Variants in MCFD2 observed in about 807,000 individuals in gnomAD.
MCFD2 encodes the protein multiple coagulation factor deficiency protein 2.
A neutral mutation model predicts 12.8 loss-of-function variants in MCFD2; 11 were observed. That is an observed-to-expected ratio of 0.86 (90% CI 0.54 to 1.42). The LOEUF (loss-of-function observed/expected upper bound fraction) is 1.42, where lower values mean the gene tolerates loss of function less well. Among genes scored for constraint, MCFD2 ranks in the 40% most tolerant of loss-of-function variants. The probability of loss-of-function intolerance (pLI) is 0.00; values close to 1 mark genes in which losing one functional copy is unlikely to be tolerated. For synonymous variants in MCFD2, 70 were observed against 68.1 expected, an observed-to-expected ratio of 1.03 and a Z score of -0.14; for missense variants, 191 against 178.6, an observed-to-expected ratio of 1.07 and a Z score of -0.40.
intron 1 of MCFD2, among the ~76,000 whole-genome samples, chr2:46,931,361 C>A (rs1188693657): frequency 6.6e-6 from 1 of 152,260 alleles, no homozygotes; most frequent in Non-Finnish European, 1.5e-5. Context: ...GCTGGGCTTA[C>A]AGCCATAAGC....
At position 46,907,953 on chromosome 2, in the gene MCFD2, G is replaced by C; in HGVS notation, c.166C>G (p.Leu56Val). 6.2e-7 allele frequency: 1 copy of C among 1,614,156 alleles called. No homozygotes were observed. The highest frequency in any genetic ancestry group is 1.3e-5 in the African/African-American group (1 of 75,018). ...TCTGGTTTGTTGATGACACCTTCTA[G>C]ATGCTCCATGATATGCCTAAAAATC... ...VHDQEHIMEHLEGVINKPEAE... is the reference protein window; with the variant it reads ...VHDQEHIMEHVEGVINKPEAE... The change falls in exon 3 of 4, where the codon CTA becomes GTA. Residue 56 changes from leucine to valine, a missense_variant. Transcript: ENST00000319466. The surrounding 1 kb of genome is among the most constrained non-coding windows in gnomAD (Gnocchi z 4.1).
At position 46,941,720 on chromosome 2, in the gene MCFD2, A is replaced by T. The variant is rs957596183; in HGVS notation, c.-156T>A. On this transcript the variant is annotated 5_prime_UTR_variant, in exon 1 of 3. Transcript: ENST00000409147. This position sits in a 1 kb window ranked among gnomAD's most constrained non-coding sequence, Gnocchi z 4.2. ...CCGAGCGCAGCGTTCACCTTTCCGGACACCGGTGAGTAAGGGAAGAGGCTG... is the reference window on the plus strand; with the variant it reads ...CCGAGCGCAGCGTTCACCTTTCCGGTCACCGGTGAGTAAGGGAAGAGGCTG... 1.9e-6 allele frequency: 3 copies of T among 1,549,870 alleles called. No homozygotes were observed. In the African/African-American group the frequency reaches 4.1e-5, roughly 21 times the overall value.
intron 1 of MCFD2, among the ~76,000 whole-genome samples, chr2:46,923,587 A>G (rs1669223028): frequency 1.3e-5 from 2 of 152,174 alleles, no homozygotes; most frequent in Admixed American, 1.3e-4. Context: ...CCCTTGTTGC[A>G]GTCTCCATTA....
At chr2:46,912,273 A>G (rs1668519086) in intron 1 of MCFD2, among the ~76,000 whole-genome samples, 2 of 152,258 alleles carry the variant, frequency 1.3e-5, no homozygotes, top group African/African-American at 4.8e-5. Flanking sequence ...CGGGAGGCAG[A>G]GATTGCAGTG....
intron 1 of MCFD2, among the ~76,000 whole-genome samples, chr2:46,927,886 T>TG (rs1447639096): frequency 2.1e-5 from 2 of 95,100 alleles, no homozygotes; most frequent in Middle Eastern, 4.7e-3. Context: ...TTTTTGGTGT[T>TG]TTTTTTTTTT....
chr2:46,903,722 T>C lies in MCFD2; in HGVS notation c.*1741A>G, dbSNP rs1428060927. On this transcript the variant is annotated 3_prime_UTR_variant, in exon 4 of 4. Coordinates refer to ENST00000319466, the MANE Select transcript of MCFD2 (RefSeq NM_139279.6). ...GATTTAGGTTAACTAGCGGAAGAAA[T>C]TTCTAAGCAGCAAAGTGTTCAACAG... The C allele has an allele frequency of 3.9e-5, 6 of 152,258 alleles. No homozygotes were observed. In the South Asian group the frequency reaches 8.3e-4, roughly 21 times the overall value. 9.4% of individuals were successfully genotyped at this position (152,258 alleles called of 1,614,324 possible).
chr2:46,934,779 C>T (rs1309559017), intron 1 of MCFD2, among the ~76,000 whole-genome samples: 1 of 132,460 alleles, frequency 7.5e-6, no homozygotes, highest in African/African-American at 2.8e-5. Flanking sequence ...GGTATGAAGA[C>T]TACTGCTCTT....
At chr2:46,933,354 T>C (rs1007374036) in intron 1 of MCFD2, among the ~76,000 whole-genome samples, 13 of 152,204 alleles carry the variant, frequency 8.5e-5, no homozygotes, top group African/African-American at 2.9e-4. Context: ...GGGAAAATCT[T>C]CAACATTCTG....
At position 46,941,455 on chromosome 2, in the gene MCFD2, G is replaced by T; in HGVS notation, c.-8+117C>A. On this transcript the variant is annotated intron_variant, in intron 1 of 2. Coordinates refer to the MCFD2 transcript ENST00000409147. The surrounding 1 kb of genome is among the most constrained non-coding windows in gnomAD (Gnocchi z 4.2). ...TGCCGTCTGCGCCCCCGTCGACCCC[G>T]CCCGCGAGTGCGCCCCAGCCAGGAC... 1 of 1,416,500 alleles carries T rather than the reference G, an allele frequency of 7.1e-7. No individual in the cohort carries two copies. The highest frequency in any genetic ancestry group is 9.3e-7 in the Non-Finnish European group (1 of 1,071,384). 87.7% of individuals were successfully genotyped at this position (1,416,500 alleles called of 1,614,324 possible).
At chr2:46,915,971 G>A, upstream of MCFD2, 1 of 985,442 alleles carries the variant, frequency 1.0e-6, no homozygotes, top group Non-Finnish European at 1.2e-6. Context: ...GACTGACGCA[G>A]TTCTTCTACC....
chr2:46,934,783 T>C (rs1669881717), intron 1 of MCFD2, among the ~76,000 whole-genome samples: 2 of 126,616 alleles, frequency 1.6e-5, no homozygotes, highest in South Asian at 5.6e-4. Flanking sequence ...TGAAGACTAC[T>C]GCTCTTTTTT....
rs979868510 is a variant in MCFD2 at position 46,902,678 on chromosome 2, A to T, written c.*2785T>A. ...ACTCTGTGGCTAGGCTGAACTCAGA[A>T]TCTCAGACTCTGTGGCTAGGCTGAC... On this transcript the variant is annotated 3_prime_UTR_variant, in exon 4 of 4. Coordinates refer to ENST00000319466, the MANE Select transcript of MCFD2 (RefSeq NM_139279.6). 1.3e-5 allele frequency: 2 copies of T among 152,614 alleles called. No individual in the cohort carries two copies. The highest frequency in any genetic ancestry group is 4.8e-5 in the African/African-American group (2 of 41,460). The allele number at this position is 152,614 out of a possible 1,614,324, so 9.5% of individuals were successfully genotyped here.
intron 1 of MCFD2, among the ~76,000 whole-genome samples, chr2:46,932,900 CAAAA>C (rs34183870): frequency 1.4e-5 from 1 of 69,414 alleles, no homozygotes; most frequent in Non-Finnish European, 3.0e-5. Flanking sequence ...GACTCCATCT[CAAAA>C]AAAAAAAAAA....
At chr2:46,910,167 A>C (rs186090074) in intron 1 of MCFD2, among the ~76,000 whole-genome samples, 1 of 152,208 alleles carries the variant, frequency 6.6e-6, no homozygotes. Context: ...TGTGGTCAAT[A>C]AGATGACAGT....
rs960410177 is a variant in MCFD2 at position 46,904,692 on chromosome 2, C to A, written c.*771G>T. On this transcript the variant is annotated 3_prime_UTR_variant, in exon 4 of 4. Transcript: ENST00000319466. ...CTGTTGGTATCTAGGAAGTAACTAG[C>A]TTGCTTTTGATTTTACAGGCTCATA... 1 of 152,374 alleles carries A rather than the reference C, an allele frequency of 6.6e-6. No homozygotes were observed. The highest frequency in any genetic ancestry group is 2.4e-5 in the African/African-American group (1 of 41,422). The allele number at this position is 152,374 out of a possible 1,614,324, so 9.4% of individuals were successfully genotyped here.
At chr2:46,923,076 T>C (rs1322332201) in intron 1 of MCFD2, among the ~76,000 whole-genome samples, 1 of 152,270 alleles carries the variant, frequency 6.6e-6, no homozygotes, top group African/African-American at 2.4e-5. Flanking sequence ...CAGGTGCTTC[T>C]GTCCCCATGG....
At chr2:46,930,565 T>C (rs1393204847) in intron 1 of MCFD2, among the ~76,000 whole-genome samples, 1 of 151,142 alleles carries the variant, frequency 6.6e-6, no homozygotes, top group African/African-American at 2.4e-5. Flanking sequence ...AGTGGCGCGA[T>C]CTTGGCTCAC....
chr2:46,932,210 C>T (rs982326396), intron 1 of MCFD2, among the ~76,000 whole-genome samples: 8 of 150,322 alleles, frequency 5.3e-5, no homozygotes, highest in Admixed American at 1.3e-4. Context: ...AGTGCAGTGG[C>T]GGGGTCTTGG....
Position 46,941,853 on chromosome 2 carries a change from A to G in MCFD2, c.-289T>C. On this transcript the variant is annotated 5_prime_UTR_variant, in exon 1 of 3. Coordinates refer to the MCFD2 transcript ENST00000409147. The surrounding 1 kb of genome is among the most constrained non-coding windows in gnomAD (Gnocchi z 4.2). ...GCCAGCCCACCGTGCTAGTCTTAAG[A>G]GCAGCCAGGGCAGTTAGGAAGGTCC... is the stretch of plus-strand genomic sequence containing the variant. The G allele has an allele frequency of 1.6e-6, 2 of 1,239,866 alleles. No homozygotes were observed. The highest frequency in any genetic ancestry group is 2.8e-4 in the Middle Eastern group (1 of 3,636). 76.8% of individuals were successfully genotyped at this position (1,239,866 alleles called of 1,614,324 possible).
Sources: allele counts gnomAD v4.1 joint callset (sites outside exome capture counted in the v4.1 genomes callset), GRCh38; gene constraint gnomAD v4.1.1; non-coding constraint Gnocchi (gnomAD v3.1); transcripts MANE v1.5; gene names NCBI Gene and HGNC (gene_info 2026-07-23, HGNC 2026-07-21).